Variants in N4BP2 observed in about 807,000 individuals in gnomAD.
N4BP2 encodes the protein NEDD4 binding protein 2.
A neutral mutation model predicts 152.8 loss-of-function variants in N4BP2; 91 were observed. That is an observed-to-expected ratio of 0.60 (90% CI 0.50 to 0.71). N4BP2 has a LOEUF of 0.71. Ranked by LOEUF, N4BP2 falls within the 30% of genes least tolerant of loss-of-function variation. N4BP2 has a pLI of 0.00. For synonymous variants in N4BP2, 646 were observed against 705.3 expected (o/e 0.92, Z 1.33); for missense variants, 1,923 against 2,059.1 (o/e 0.93, Z 1.28).
At chr4:40,070,727 A>T (rs559967396) in intron 1 of N4BP2, among the ~76,000 whole-genome samples, 16 of 152,298 alleles carry the variant, frequency 1.1e-4, no homozygotes, top group African/African-American at 3.6e-4. Flanking sequence ...CTGGGATTAC[A>T]GGCATGTGAC....
chr4:40,092,147 G>A (rs1047283064), intron 2 of N4BP2, among the ~76,000 whole-genome samples: 1 of 146,948 alleles, frequency 6.8e-6, no homozygotes, highest in African/African-American at 2.5e-5. Context: ...TCTGCTTTTG[G>A]TATCAGGATA....
At chr4:40,187,841 A>C in the N4BP2 span, among the ~76,000 whole-genome samples, 1 of 152,214 alleles carries the variant, frequency 6.6e-6, no homozygotes, top group Non-Finnish European at 1.5e-5. Flanking sequence ...AGTGGGTGGA[A>C]TTCCTTTTGC....
chr4:40,146,312 A>T (rs1304539681), intron 16 of N4BP2, among the ~76,000 whole-genome samples: 1 of 152,156 alleles, frequency 6.6e-6, no homozygotes, highest in Non-Finnish European at 1.5e-5. Flanking sequence ...TGTATATTTA[A>T]CTACACTGTC....
In N4BP2 at chr4:40,119,950, T is replaced by TA; in HGVS notation, c.1840dup (p.Ile614AsnfsTer4). ...CTTACAGCCCAAGAGACGATGAAGA[T>TA]ATTATCTCTGAAAAAGAAGAAAATA... On this transcript the variant is annotated frameshift_variant, in exon 9 of 18. Coordinates refer to ENST00000261435, the MANE Select transcript of N4BP2 (RefSeq NM_018177.6). LOFTEE classifies it high-confidence loss of function. 1.4e-6 allele frequency: 2 copies of TA among 1,430,738 alleles called. No homozygotes were observed. Among genetic ancestry groups the TA allele is most frequent in the Non-Finnish European group, 1.9e-6 (2 of 1,045,034 alleles). 88.6% of individuals were successfully genotyped at this position (1,430,738 alleles called of 1,614,324 possible). A position where few individuals can be genotyped will look rare whatever the true frequency, so the allele number is the denominator to read the frequency against.
the N4BP2 span, among the ~76,000 whole-genome samples, chr4:40,179,329 C>T: frequency 6.6e-6 from 1 of 152,158 alleles, no homozygotes; most frequent in African/African-American, 2.4e-5. Flanking sequence ...AAGATCGAGC[C>T]ACTGCACTCC....
At chr4:40,116,046 A>G (rs1206405681) in intron 7 of N4BP2, among the ~76,000 whole-genome samples, 1 of 151,754 alleles carries the variant, frequency 6.6e-6, no homozygotes, top group Non-Finnish European at 1.5e-5. Context: ...TTTTCTAGTG[A>G]TTTTCTTTTG....
chr4:40,105,606 G>A (rs949727162), intron 4 of N4BP2, among the ~76,000 whole-genome samples: 4 of 150,768 alleles, frequency 2.7e-5, no homozygotes, highest in African/African-American at 9.8e-5. Context: ...CTGGAGTGCA[G>A]TGGCACGTTC....
chr4:40,158,116 G>T lies in N4BP2; in HGVS notation c.*3879G>T, dbSNP rs1016711851. ...GTATATCAGAAAAATGTTTTTATTTGTACTGTATAGAAAATGTAATTTTGC... is the reference window on the plus strand; with the variant it reads ...GTATATCAGAAAAATGTTTTTATTTTTACTGTATAGAAAATGTAATTTTGC... On this transcript the variant is annotated 3_prime_UTR_variant, in exon 18 of 18. Transcript: ENST00000261435. The T allele has an allele frequency of 5.9e-5, 9 of 151,982 alleles. No individual in the cohort carries two copies. Among genetic ancestry groups the T allele is most frequent in the Non-Finnish European group, 1.0e-4 (7 of 67,966 alleles). The allele number at this position is 151,982 out of a possible 1,614,324, so 9.4% of individuals were successfully genotyped here. A position where few individuals can be genotyped will look rare whatever the true frequency, so the allele number is the denominator to read the frequency against.
chr4:40,190,320 G>A, the N4BP2 span, among the ~76,000 whole-genome samples: 1 of 152,234 alleles, frequency 6.6e-6, no homozygotes, highest in Non-Finnish European at 1.5e-5. Flanking sequence ...TAGGGCATTT[G>A]TAACGGGGCA....
At chr4:40,130,182 C>T (rs1249647710) in intron 12 of N4BP2, among the ~76,000 whole-genome samples, 2 of 151,766 alleles carry the variant, frequency 1.3e-5, no homozygotes, top group African/African-American at 4.8e-5. Context: ...CACATCACCA[C>T]ACCTGGCCAA....
At chr4:40,170,247 C>G in the N4BP2 span, among the ~76,000 whole-genome samples, 1 of 152,062 alleles carries the variant, frequency 6.6e-6, no homozygotes, top group African/African-American at 2.4e-5. Context: ...GTCATCCCAA[C>G]TTAAGAGTCC....
At position 40,135,283 on chromosome 4, in the gene N4BP2, A is replaced by C. The variant is rs534843349; in HGVS notation, c.4647-1661A>C. Among the ~76,000 whole-genome samples the C allele has an allele frequency of 4.5e-3, 685 of 151,612 alleles. 3 individuals are homozygous for C. Among genetic ancestry groups the C allele is most frequent in the African/African-American group, 0.015 (635 of 41,200 alleles). On this transcript the variant is annotated intron_variant, in intron 13 of 17. Transcript: ENST00000261435. ...TCCCTACAAAGGACATGAACTCATC[A>C]TTTTTGATGGCTGCATAGTATTCCA...
In N4BP2 at chr4:40,121,119, C is replaced by T; in HGVS notation, c.3008C>T (p.Pro1003Leu). 1 of 1,614,076 alleles carries T rather than the reference C, an allele frequency of 6.2e-7. No individual in the cohort carries two copies. The highest frequency in any genetic ancestry group is 8.5e-7 in the Non-Finnish European group (1 of 1,180,018). The part of the protein sequence containing the change: ...QTLAECQEQM[P>L]KRDPGKEVGM... ...TTAGCTGAATGTCAAGAGCAAATGC[C>T]TAAGAGAGACCCTGGAAAAGAAGTA... The change falls in exon 9 of 18, where the codon CCT becomes CTT. Residue 1003 changes from proline (P) to leucine (L), a missense_variant. Coordinates refer to ENST00000261435, the MANE Select transcript of N4BP2 (RefSeq NM_018177.6).
the N4BP2 span, among the ~76,000 whole-genome samples, chr4:40,185,101 C>T: frequency 6.6e-6 from 1 of 151,930 alleles, no homozygotes; most frequent in African/African-American, 2.4e-5. Flanking sequence ...TTTTTCAGGT[C>T]TCCCTTCCAT....
chr4:40,116,844 T>G (rs1156541030), intron 7 of N4BP2, among the ~76,000 whole-genome samples: 1 of 152,216 alleles, frequency 6.6e-6, no homozygotes, highest in Non-Finnish European at 1.5e-5. Context: ...GCTGGATATG[T>G]ATATTCTATA....
intron 1 of N4BP2, among the ~76,000 whole-genome samples, chr4:40,069,394 G>A (rs1711923911): frequency 6.6e-6 from 1 of 152,038 alleles, no homozygotes; most frequent in Admixed American, 6.6e-5. Context: ...ACCACTGCAC[G>A]AAAGAGTGAG....
At chr4:40,180,268 T>C in the N4BP2 span, among the ~76,000 whole-genome samples, 3 of 152,178 alleles carry the variant, frequency 2.0e-5, no homozygotes, top group South Asian at 2.1e-4. Context: ...GATATAAATA[T>C]GCCATTTTAG....
At chr4:40,172,934 T>G in the N4BP2 span, among the ~76,000 whole-genome samples, 2,911 of 152,288 alleles carry the variant, frequency 0.019, 90 homozygotes, top group African/African-American at 0.065. Context: ...CGAACTTTTT[T>G]GCTTTTTTTT....
chr4:40,156,359 T>C lies in N4BP2; in HGVS notation c.*2122T>C, dbSNP rs1165269428. 6.6e-6 allele frequency: 1 copy of C among 152,174 alleles called. No homozygotes were observed. 9.4% of individuals were successfully genotyped at this position (152,174 alleles called of 1,614,324 possible). A position where few individuals can be genotyped will look rare whatever the true frequency, so the allele number is the denominator to read the frequency against. On this transcript the variant is annotated 3_prime_UTR_variant, in exon 18 of 18. Transcript: ENST00000261435. Reference sequence around the variant, plus strand: ...AGAAGTCAAATGAAAAAAGCTATATTGTTTACTTGTTTACTATATCAATGT... The same window carrying C: ...AGAAGTCAAATGAAAAAAGCTATATCGTTTACTTGTTTACTATATCAATGT...
Sources: gnomAD v4.1 joint callset for allele counts (sites outside exome capture counted in the v4.1 genomes callset) on GRCh38, gnomAD v4.1.1 for gene constraint, MANE v1.5 for transcripts, NCBI Gene and HGNC (gene_info 2026-07-23, HGNC 2026-07-21) for gene names.